The following CIB4 variants were observed in gnomAD, a reference collection of about 807,000 sequenced individuals.
The protein encoded by CIB4 is calcium and integrin binding family member 4.
In CIB4, 25 loss-of-function variants were observed where a neutral mutation model predicts 25.8. The ratio of observed to expected loss-of-function variants is 0.97; its 90% confidence interval spans 0.71 to 1.35. The LOEUF (loss-of-function observed/expected upper bound fraction) is 1.35, where lower values mean the gene tolerates loss of function less well. Among genes scored for constraint, CIB4 ranks in the 40% most tolerant of loss-of-function variants. The pLI is 0.00. For missense variants in CIB4, 235 were observed against 228.2 expected, an observed-to-expected ratio of 1.03 and a Z score of -0.19; for synonymous variants, 75 against 81.4, an observed-to-expected ratio of 0.92 and a Z score of 0.42.
At chr2:26,640,392 C>T (rs1442192306) in intron 2 of CIB4, 141 bp downstream of exon 2, 5 of 853,546 alleles carry the variant, frequency 5.9e-6, no homozygotes, top group East Asian at 2.7e-5. Flanking sequence ...CCCTGCCTGC[C>T]GTGTCCCAGC....
chr2:26,616,229 C>A (rs1345238787), intron 3 of CIB4, among the ~76,000 whole-genome samples: 1 of 152,226 alleles, frequency 6.6e-6, no homozygotes, highest in African/African-American at 2.4e-5. Context: ...TTCCTGGGGG[C>A]CACATGGGGC....
intron 3 of CIB4, among the ~76,000 whole-genome samples, chr2:26,610,170 G>A (rs1359656833): frequency 6.6e-6 from 1 of 152,208 alleles, no homozygotes. Flanking sequence ...GCTGTTTGGG[G>A]ACACCCAGCA....
chr2:26,608,164 G>A (rs758953336), intron 3 of CIB4, among the ~76,000 whole-genome samples: 22 of 151,534 alleles, frequency 1.5e-4, no homozygotes, highest in Admixed American at 2.6e-4. Flanking sequence ...CTTGAACCCA[G>A]GAGACGGGAA....
chr2:26,606,636 G>A (rs1353764502), intron 3 of CIB4, among the ~76,000 whole-genome samples: 1 of 152,194 alleles, frequency 6.6e-6, no homozygotes, highest in African/African-American at 2.4e-5. Flanking sequence ...CAGGTAGAAA[G>A]AACCCTGAAA....
At chr2:26,603,487 G>A (rs1668832307) in intron 3 of CIB4, among the ~76,000 whole-genome samples, 1 of 152,078 alleles carries the variant, frequency 6.6e-6, no homozygotes, top group Admixed American at 6.5e-5. Context: ...CAGGGTGAAA[G>A]GTACACAGTC....
chr2:26,588,110 G>A (rs1468348716), intron 4 of CIB4, among the ~76,000 whole-genome samples: 2 of 152,252 alleles, frequency 1.3e-5, no homozygotes, highest in Non-Finnish European at 2.9e-5. Context: ...GGTGAAGGGG[G>A]CGAAGGGACC....
intron 3 of CIB4, among the ~76,000 whole-genome samples, chr2:26,606,954 A>G (rs1242181603): frequency 6.6e-6 from 1 of 152,152 alleles, no homozygotes; most frequent in Non-Finnish European, 1.5e-5. Context: ...AATGTTAAAT[A>G]TTATTAAACA....
At chr2:26,601,337 C>T (rs1001129550) in intron 3 of CIB4, among the ~76,000 whole-genome samples, 3 of 148,908 alleles carry the variant, frequency 2.0e-5, no homozygotes, top group Non-Finnish European at 4.4e-5. Flanking sequence ...AGATCAATGG[C>T]CATAATGGAG....
chr2:26,601,741 C>T (rs1401396670), intron 3 of CIB4, among the ~76,000 whole-genome samples: 2 of 152,136 alleles, frequency 1.3e-5, no homozygotes, highest in Non-Finnish European at 2.9e-5. Context: ...CCATAATAAT[C>T]ACTAGGTACT....
At chr2:26,582,799 G>C (rs780329569) in intron 6 of CIB4, 26 bp downstream of exon 6, 2 of 1,492,084 alleles carry the variant, frequency 1.3e-6, no homozygotes, top group South Asian at 2.3e-5. Context: ...CTCCTGGACA[G>C]TCTCACCCCC....
In CIB4 at chr2:26,582,751, G is replaced by A. The variant is rs568657123; in HGVS notation, c.527+74C>T. 4.1e-4 allele frequency: 356 copies of A among 863,576 alleles called. 3 individuals are homozygous for A. The African/African-American group carries it at 5.2e-3, about 13-fold the overall frequency. The allele number at this position is 863,576 out of a possible 1,614,324, so 53.5% of individuals were successfully genotyped here. A position where few individuals can be genotyped will look rare whatever the true frequency, so the allele number is the denominator to read the frequency against. ...TGGGAAGACTGAGATGTCCCATGGA[G>A]TGAGGAGAGACTGGGGGCCCTTCCT... On this transcript the variant is annotated intron_variant, in intron 6 of 6. Transcript: ENST00000288861.
At chr2:26,589,392 G>A (rs1668544387) in intron 4 of CIB4, among the ~76,000 whole-genome samples, 1 of 151,830 alleles carries the variant, frequency 6.6e-6, no homozygotes, top group South Asian at 2.1e-4. Flanking sequence ...CACAATCTCA[G>A]CTCACTGCAA....
chr2:26,601,746 G>C (rs1479381719), intron 3 of CIB4, among the ~76,000 whole-genome samples: 1 of 151,846 alleles, frequency 6.6e-6, no homozygotes, highest in Non-Finnish European at 1.5e-5. Flanking sequence ...ATAATCACTA[G>C]GTACTTCCAC....
intron 3 of CIB4, among the ~76,000 whole-genome samples, chr2:26,625,612 A>ACCG (rs1669289012): frequency 6.6e-6 from 1 of 152,150 alleles, no homozygotes; most frequent in Non-Finnish European, 1.5e-5. Flanking sequence ...TCGGCCTCCC[A>ACCG]AAGTGCTGGG....
At chr2:26,586,580 A>G (rs949205745) in intron 4 of CIB4, among the ~76,000 whole-genome samples, 1 of 152,232 alleles carries the variant, frequency 6.6e-6, no homozygotes, top group African/African-American at 2.4e-5. Context: ...AGTGCCCAGA[A>G]CAATGCCTGG....
intron 3 of CIB4, among the ~76,000 whole-genome samples, chr2:26,620,194 C>T (rs145849537): frequency 7.0e-5 from 10 of 143,868 alleles, no homozygotes; most frequent in African/African-American, 2.0e-4. Flanking sequence ...ACAGACTCCG[C>T]GACTGAGGAA....
intron 3 of CIB4, among the ~76,000 whole-genome samples, chr2:26,603,520 C>T (rs974957431): frequency 2.6e-5 from 4 of 152,104 alleles, no homozygotes; most frequent in African/African-American, 9.7e-5. Context: ...ATCTTAAAAG[C>T]TGGACTTGAA....
At position 26,591,413 on chromosome 2, in the gene CIB4, C is replaced by G. The variant is rs151174685; in HGVS notation, c.328+3763G>C. ...CAGATCTGCAGAAGGAGAAGGAAAG[C>G]CCACAGAGAGAGGCAGAGATGAGAG... On this transcript the variant is annotated intron_variant, in intron 4 of 6. Transcript: ENST00000288861. Among the ~76,000 whole-genome samples the G allele has an allele frequency of 6.7e-4, 102 of 152,288 alleles. 1 individual carries two copies. The East Asian group carries it at 0.01, about 15-fold the overall frequency.
chr2:26,620,777 C>T (rs1662982), intron 3 of CIB4, among the ~76,000 whole-genome samples: 67,962 of 151,900 alleles, frequency 0.45, 16,624 homozygotes, highest in Non-Finnish European at 0.55. Flanking sequence ...GCTTCTGACG[C>T]GCAAGCCAAG....
Sources: allele counts gnomAD v4.1 joint callset (sites outside exome capture counted in the v4.1 genomes callset), GRCh38; gene constraint gnomAD v4.1.1; transcripts MANE v1.5; gene names NCBI Gene and HGNC (gene_info 2026-07-23, HGNC 2026-07-21).